NT5C2: variants seen among roughly 807,000 people sequenced by gnomAD.
NT5C2 encodes cytosolic purine 5'-nucleotidase.
Under a neutral mutation model 76.1 loss-of-function variants are expected in NT5C2, and 58 were observed. That is an observed-to-expected ratio of 0.76 (90% CI 0.62 to 0.95). The LOEUF (loss-of-function observed/expected upper bound fraction) is 0.95, where lower values mean the gene tolerates loss of function less well. Ranked by LOEUF, NT5C2 falls within the 40% of genes least tolerant of loss-of-function variation. NT5C2 has a pLI of 0.00. For synonymous variants in NT5C2, 229 were observed against 237.4 expected (o/e 0.96, Z 0.32); for missense variants, 478 against 690.3 (o/e 0.69, Z 3.45).
intron 4 of NT5C2, among the ~76,000 whole-genome samples, chr10:103,108,792 T>C (rs1319933585): frequency 6.6e-6 from 1 of 152,192 alleles, no homozygotes; most frequent in Admixed American, 6.5e-5. Flanking sequence ...TTTATTTCTT[T>C]TGTTGTCACA....
At chr10:103,095,875 T>TTTAA in intron 12 of NT5C2, 64 bp downstream of exon 12, 2 of 1,430,148 alleles carry the variant, frequency 1.4e-6, no homozygotes, top group African/African-American at 2.8e-5. Flanking sequence ...CCCCTTAATA[T>TTTAA]TCCAGAATGA....
At chr10:103,173,187 C>T (rs1164129309) in intron 3 of NT5C2, among the ~76,000 whole-genome samples, 3 of 151,920 alleles carry the variant, frequency 2.0e-5, no homozygotes, top group African/African-American at 7.3e-5. Context: ...GAAAATATTA[C>T]AGTCTAAAAT....
At chr10:103,172,291 G>C (rs1278846356) in intron 3 of NT5C2, among the ~76,000 whole-genome samples, 4 of 144,564 alleles carry the variant, frequency 2.8e-5, no homozygotes, top group Non-Finnish European at 6.0e-5. Context: ...CTGTCACCCA[G>C]GCTGGAGTGT....
At chr10:103,093,850 C>A in intron 14 of NT5C2, 122 bp downstream of exon 14, 1 of 714,666 alleles carries the variant, frequency 1.4e-6, no homozygotes, top group South Asian at 1.7e-5. Flanking sequence ...AAACTATTTA[C>A]CTTCAGTAGA....
intron 12 of NT5C2, among the ~76,000 whole-genome samples, chr10:103,095,099 T>C (rs1453138688): frequency 6.6e-6 from 1 of 152,100 alleles, no homozygotes; most frequent in Non-Finnish European, 1.5e-5. Context: ...TGCAAATCAA[T>C]ACCCAAGGGA....
chr10:103,152,480 G>A (rs1178323151), intron 3 of NT5C2, among the ~76,000 whole-genome samples: 1 of 152,118 alleles, frequency 6.6e-6, no homozygotes. Flanking sequence ...TTGTAAATGT[G>A]AGGCTCTGGA....
chr10:103,127,133 T>C (rs1245231507), intron 4 of NT5C2, among the ~76,000 whole-genome samples: 3 of 152,150 alleles, frequency 2.0e-5, no homozygotes. Flanking sequence ...TATTCAAGGG[T>C]TAACTGTAGT....
At position 103,143,662 on chromosome 10, in the gene NT5C2, A is replaced by G. The variant is rs530870440; in HGVS notation, c.102-4183T>C. On this transcript the variant is annotated intron_variant, in intron 3 of 18. Transcript: ENST00000404739. ...AGATGGCCTTGGAGACTTTTTTTAAAAAGGAGTTTGAGACCAGAAGTGGTG... is the reference window on the plus strand; with the variant it reads ...AGATGGCCTTGGAGACTTTTTTTAAGAAGGAGTTTGAGACCAGAAGTGGTG... Among the ~76,000 whole-genome samples, 5 of 144,190 alleles carry G rather than the reference A, an allele frequency of 3.5e-5. 1 individual carries two copies. The highest frequency in any genetic ancestry group is 1.3e-4 in the African/African-American group (5 of 38,758). The allele number at this position is 144,190 out of a possible 152,430, so 94.6% of individuals were successfully genotyped here.
chr10:103,185,120 GT>G (rs1167828722), intron 1 of NT5C2, among the ~76,000 whole-genome samples: 1 of 152,202 alleles, frequency 6.6e-6, no homozygotes, highest in Non-Finnish European at 1.5e-5. Flanking sequence ...CTAACTGAAT[GT>G]TTTGAATAAT....
chr10:103,173,410 G>A (rs552103460), intron 3 of NT5C2, among the ~76,000 whole-genome samples: 1 of 151,280 alleles, frequency 6.6e-6, no homozygotes, highest in Admixed American at 6.6e-5. Context: ...AAGAAGAGTA[G>A]ATCAAGACCA....
At chr10:103,162,663 G>T (rs2085228282) in intron 3 of NT5C2, among the ~76,000 whole-genome samples, 1 of 152,116 alleles carries the variant, frequency 6.6e-6, no homozygotes, top group Non-Finnish European at 1.5e-5. Context: ...CTAAACGTAT[G>T]CTTAACCTAT....
chr10:103,146,386 A>C, intron 3 of NT5C2: 1 of 985,366 alleles, frequency 1.0e-6, no homozygotes, highest in Non-Finnish European at 1.2e-6. Flanking sequence ...ACAACAAATG[A>C]GACTAAGGAT....
intron 4 of NT5C2, 32 bp downstream of exon 4, chr10:103,139,374 C>T: frequency 2.8e-6 from 4 of 1,446,820 alleles, no homozygotes; most frequent in Non-Finnish European, 3.8e-6. Context: ...CCCAAAGCAG[C>T]AGTTCTTAAG....
chr10:103,147,008 T>C (rs142107825), intron 3 of NT5C2, among the ~76,000 whole-genome samples: 1 of 152,264 alleles, frequency 6.6e-6, no homozygotes, highest in Admixed American at 6.5e-5. Flanking sequence ...TTTTGTTTGT[T>C]GAATGTAGTA....
At chr10:103,094,138 T>C (rs2067597961) in intron 13 of NT5C2, 100 bp from the exon 14 acceptor site, 11 of 622,484 alleles carry the variant, frequency 1.8e-5, no homozygotes, top group Non-Finnish European at 2.9e-5. Context: ...CCAGTGCTAC[T>C]TGGCCAGACA....
chr10:103,136,584 A>G (rs1404817045), intron 4 of NT5C2, among the ~76,000 whole-genome samples: 3 of 152,074 alleles, frequency 2.0e-5, no homozygotes, highest in African/African-American at 7.2e-5. Context: ...AAAAGAAGAA[A>G]TCATAAGGTG....
At chr10:103,097,655 T>C (rs2068530303) in intron 10 of NT5C2, among the ~76,000 whole-genome samples, 1 of 152,230 alleles carries the variant, frequency 6.6e-6, no homozygotes, top group African/African-American at 2.4e-5. Flanking sequence ...ACCTTCCTCA[T>C]GATGTCTGCC....
intron 11 of NT5C2, among the ~76,000 whole-genome samples, chr10:103,096,774 C>T (rs1483128915): frequency 7.4e-6 from 1 of 136,012 alleles, no homozygotes; most frequent in African/African-American, 2.8e-5. Context: ...TGAACCCAGG[C>T]GGCAGAGGTT....
chr10:103,135,192 A>G (rs2078946815), intron 4 of NT5C2, among the ~76,000 whole-genome samples: 2 of 152,194 alleles, frequency 1.3e-5, no homozygotes, highest in African/African-American at 2.4e-5. Context: ...AGAGATTTAG[A>G]AGGGCCAGGG....
Sources: allele counts gnomAD v4.1 joint callset (sites outside exome capture counted in the v4.1 genomes callset), GRCh38; gene constraint gnomAD v4.1.1; transcripts MANE v1.5; gene names NCBI Gene and HGNC (gene_info 2026-07-23, HGNC 2026-07-21).